The following GABRA2 variants were observed in gnomAD, a reference collection of about 807,000 sequenced individuals.
The protein encoded by GABRA2 is gamma-aminobutyric acid type A receptor subunit alpha2, also known as gamma-aminobutyric acid receptor subunit alpha-2.
Under a neutral mutation model 48.7 loss-of-function variants are expected in GABRA2, and 16 were observed. The observed-to-expected ratio is 0.33, with a 90% CI of 0.22 to 0.50. The LOEUF is 0.50. Among genes scored for constraint, GABRA2 ranks in the 20% least tolerant of loss-of-function variants. The pLI is 0.98. For synonymous variants in GABRA2, 185 were observed against 184.5 expected (o/e 1.00, Z -0.02); for missense variants, 275 against 535.6 (o/e 0.51, Z 4.80).
chr4:46,291,367 G>C (rs1467121290), intron 8 of GABRA2, among the ~76,000 whole-genome samples: 1 of 152,138 alleles, frequency 6.6e-6, no homozygotes, highest in Non-Finnish European at 1.5e-5. Context: ...CTAGGAATGT[G>C]TCCAAGATTA....
chr4:46,258,443 G>A (rs1716290676), intron 9 of GABRA2, among the ~76,000 whole-genome samples: 1 of 151,834 alleles, frequency 6.6e-6, no homozygotes. Context: ...GCTGAGGATG[G>A]CAAATGGGGG....
At chr4:46,333,067 C>T (rs1731645140) in intron 3 of GABRA2, among the ~76,000 whole-genome samples, 1 of 152,032 alleles carries the variant, frequency 6.6e-6, no homozygotes. Flanking sequence ...CGATGTTCAA[C>T]TAAATATTTC....
At chr4:46,316,554 G>A (rs1009610196) in intron 4 of GABRA2, among the ~76,000 whole-genome samples, 1 of 151,888 alleles carries the variant, frequency 6.6e-6, no homozygotes, top group Non-Finnish European at 1.5e-5. Flanking sequence ...AAAATAACAA[G>A]ATATTTTTAA....
intron 2 of GABRA2, among the ~76,000 whole-genome samples, chr4:46,387,145 A>C (rs2109381864): frequency 6.6e-6 from 1 of 152,206 alleles, no homozygotes; most frequent in South Asian, 2.1e-4. Flanking sequence ...TGCTGGCCCC[A>C]AAAAAGAATC....
intron 3 of GABRA2, among the ~76,000 whole-genome samples, chr4:46,341,167 C>T (rs1489841084): frequency 2.6e-5 from 4 of 151,644 alleles, no homozygotes; most frequent in African/African-American, 9.7e-5. Context: ...ACATTGTTTC[C>T]TTTAGTTCAT....
chr4:46,299,154 G>A (rs1449072238), intron 8 of GABRA2, among the ~76,000 whole-genome samples: 2 of 151,402 alleles, frequency 1.3e-5, no homozygotes, highest in Non-Finnish European at 3.0e-5. Flanking sequence ...TTAGTACAAA[G>A]GAAACATGAA....
At chr4:46,298,905 A>G (rs1234906464) in intron 8 of GABRA2, among the ~76,000 whole-genome samples, 1 of 151,784 alleles carries the variant, frequency 6.6e-6, no homozygotes, top group African/African-American at 2.4e-5. Flanking sequence ...AAATTCTAGT[A>G]TAATACCTAG....
chr4:46,299,998 T>C (rs1020875329), intron 8 of GABRA2, among the ~76,000 whole-genome samples: 3 of 151,996 alleles, frequency 2.0e-5, no homozygotes, highest in African/African-American at 7.2e-5. Flanking sequence ...GCATGTGGCT[T>C]ATTATAAAGT....
At chr4:46,336,093 C>G (rs1168005162) in intron 3 of GABRA2, among the ~76,000 whole-genome samples, 1 of 152,152 alleles carries the variant, frequency 6.6e-6, no homozygotes, top group Admixed American at 6.6e-5. Flanking sequence ...AGGGACTGCA[C>G]TATTTCTGTT....
chr4:46,252,584 C>A (rs563884295), intron 9 of GABRA2, among the ~76,000 whole-genome samples: 12 of 151,596 alleles, frequency 7.9e-5, no homozygotes, highest in African/African-American at 2.9e-4. Context: ...GACTTCTAAA[C>A]CTCTGCTTTT....
intron 3 of GABRA2, among the ~76,000 whole-genome samples, chr4:46,346,522 A>G (rs1212998823): frequency 6.6e-6 from 1 of 151,142 alleles, no homozygotes; most frequent in Non-Finnish European, 1.5e-5. Flanking sequence ...TACGTTTAAT[A>G]TATTACATAT....
At chr4:46,278,202 T>C (rs1026283013) in intron 8 of GABRA2, among the ~76,000 whole-genome samples, 17 of 152,210 alleles carry the variant, frequency 1.1e-4, no homozygotes, top group African/African-American at 3.4e-4. Context: ...TATTCTACAG[T>C]GTCCTTGGTT....
chr4:46,330,146 C>A (rs1237974279), intron 4 of GABRA2, among the ~76,000 whole-genome samples: 1 of 152,034 alleles, frequency 6.6e-6, no homozygotes, highest in Non-Finnish European at 1.5e-5. Context: ...CCACTCAATG[C>A]AACCTATATT....
intron 9 of GABRA2, among the ~76,000 whole-genome samples, chr4:46,260,178 C>T (rs1716664893): frequency 6.6e-6 from 1 of 151,868 alleles, no homozygotes; most frequent in Non-Finnish European, 1.5e-5. Flanking sequence ...GTGCTGGACA[C>T]TCTAGCTGTG....
In GABRA2 at chr4:46,246,575, A is replaced by C. The variant is rs1022825579; in HGVS notation, c.*3733T>G. ...TTAAAAGGAAAATGAATGGCACTAT[A>C]GGGTAGCAATGAGTCAGGTAGTAAT... On this transcript the variant is annotated 3_prime_UTR_variant, in exon 10 of 10. Transcript: ENST00000381620. Among the ~76,000 whole-genome samples the C allele has an allele frequency of 2.0e-5, 3 of 151,220 alleles. No individual in the cohort carries two copies. The highest frequency in any genetic ancestry group is 4.4e-5 in the Non-Finnish European group (3 of 67,436).
At chr4:46,322,789 G>A (rs750049661) in intron 4 of GABRA2, among the ~76,000 whole-genome samples, 1 of 151,940 alleles carries the variant, frequency 6.6e-6, no homozygotes, top group Non-Finnish European at 1.5e-5. Flanking sequence ...TTTCTGATGA[G>A]ACATAAGAAG....
intron 4 of GABRA2, among the ~76,000 whole-genome samples, chr4:46,322,221 G>C (rs1454029840): frequency 1.3e-5 from 2 of 151,964 alleles, no homozygotes; most frequent in Non-Finnish European, 2.9e-5. Flanking sequence ...TGGCCTAAGA[G>C]ACTGATGCTG....
intron 8 of GABRA2, among the ~76,000 whole-genome samples, chr4:46,264,870 G>A (rs540940534): frequency 6.6e-6 from 1 of 151,426 alleles, no homozygotes; most frequent in South Asian, 2.1e-4. Flanking sequence ...TTTGTTAAAG[G>A]TTTACTCAGA....
At chr4:46,319,585 C>G (rs1164191392) in intron 4 of GABRA2, among the ~76,000 whole-genome samples, 1 of 151,640 alleles carries the variant, frequency 6.6e-6, no homozygotes, top group African/African-American at 2.4e-5. Context: ...CAATGAGAAT[C>G]TTAAGAACAG....
Sources: allele counts gnomAD v4.1 joint callset (sites outside exome capture counted in the v4.1 genomes callset), GRCh38; gene constraint gnomAD v4.1.1; transcripts MANE v1.5; gene names NCBI Gene and HGNC (gene_info 2026-07-23, HGNC 2026-07-21).